GPM6B: variants seen among roughly 807,000 people sequenced by gnomAD.
The protein encoded by GPM6B is neuronal membrane glycoprotein M6-b.
A neutral mutation model predicts 27.2 loss-of-function variants in GPM6B; 4 were observed. The ratio of observed to expected loss-of-function variants is 0.15; its 90% CI spans 0.07 to 0.34. GPM6B has a LOEUF of 0.34. Among genes scored for constraint, GPM6B ranks in the 10% least tolerant of loss-of-function variants. The pLI is 1.00. For synonymous variants in GPM6B, 124 were observed against 103.1 expected, an observed-to-expected ratio of 1.20 and a Z score of -1.23; for missense variants, 183 against 261.9, an observed-to-expected ratio of 0.70 and a Z score of 2.08.
intron 1 of GPM6B, among the ~76,000 whole-genome samples, chrX:13,868,805 T>C (rs1442519440): frequency 8.9e-6 from 1 of 112,435 alleles, no homozygotes; most frequent in Non-Finnish European, 1.9e-5. Flanking sequence ...CCTGAAGTGG[T>C]GGTTATGGAT....
At chrX:13,873,390 C>G (rs1312916275) in intron 1 of GPM6B, among the ~76,000 whole-genome samples, 1 of 110,651 alleles carries the variant, frequency 9.0e-6, no homozygotes, top group African/African-American at 3.3e-5. Flanking sequence ...AGTTGGGTAA[C>G]TTAAGGAAAG....
intron 1 of GPM6B, among the ~76,000 whole-genome samples, chrX:13,918,694 T>C (rs757020466): frequency 7.2e-5 from 8 of 111,738 alleles, no homozygotes; most frequent in Admixed American, 6.7e-4. Flanking sequence ...GCTTGGCTTC[T>C]GGGGAGGCCT....
intron 1 of GPM6B, among the ~76,000 whole-genome samples, chrX:13,863,300 A>G (rs1165845076): frequency 1.8e-5 from 2 of 111,913 alleles, no homozygotes; most frequent in Admixed American, 1.9e-4. Flanking sequence ...CAAATGTCCT[A>G]TCCACATGCT....
chrX:13,920,839 C>T (rs186458044), intron 1 of GPM6B, among the ~76,000 whole-genome samples: 55 of 107,563 alleles, frequency 5.1e-4, no homozygotes, highest in Non-Finnish European at 2.7e-4. Context: ...TGCAGTGAGC[C>T]GAGATCGCGC....
At chrX:13,928,495 T>C (rs763269492) in intron 1 of GPM6B, among the ~76,000 whole-genome samples, 10 of 112,412 alleles carry the variant, frequency 8.9e-5, no homozygotes, top group Non-Finnish European at 1.9e-4. Context: ...TTCATCCCTT[T>C]AAGGTCCCAA....
At chrX:13,779,339 T>G (rs1215321576) in intron 5 of GPM6B, among the ~76,000 whole-genome samples, 1 of 112,450 alleles carries the variant, frequency 8.9e-6, no homozygotes. Context: ...CTGGATCTAA[T>G]GTTGTATTTT....
At position 13,784,690 on chromosome X, in the gene GPM6B, T is replaced by G. The variant is rs139155398; in HGVS notation, c.368+932A>C. On this transcript the variant is annotated intron_variant, in intron 3 of 7. Transcript: ENST00000316715. ...GAAATAAGTAGATTGCTGCTGAGCT[T>G]GCACAGCTACAAGAATCTATGTGTG... Among the ~76,000 whole-genome samples, 772 of 111,815 alleles carry G rather than the reference T, an allele frequency of 6.9e-3. 2 individuals carry two copies. The highest frequency in any genetic ancestry group is 0.026 in the South Asian group (69 of 2,652).
chrX:13,909,938 T>C (rs1472418788), intron 1 of GPM6B, among the ~76,000 whole-genome samples: 1 of 111,937 alleles, frequency 8.9e-6, no homozygotes, highest in Non-Finnish European at 1.9e-5. Flanking sequence ...TCCCCTTAGA[T>C]TCACTCATCT....
At chrX:13,893,242 T>C (rs2050203702) in intron 1 of GPM6B, among the ~76,000 whole-genome samples, 3 of 111,342 alleles carry the variant, frequency 2.7e-5, no homozygotes, top group Non-Finnish European at 5.6e-5. Flanking sequence ...AGTACAAATG[T>C]AGCATTTCTT....
chrX:13,837,713 G>A (rs1443289365), intron 1 of GPM6B, among the ~76,000 whole-genome samples: 1 of 63,787 alleles, frequency 1.6e-5, no homozygotes, highest in East Asian at 4.6e-4. Context: ...AAGTTGGTGG[G>A]GGGGGGGGGG....
chrX:13,810,796 C>T (rs905705805), intron 1 of GPM6B, among the ~76,000 whole-genome samples: 19 of 107,165 alleles, frequency 1.8e-4, no homozygotes, highest in Admixed American at 6.0e-4. Flanking sequence ...CCGATGGGAT[C>T]GGCAACTGGA....
intron 1 of GPM6B, among the ~76,000 whole-genome samples, chrX:13,874,385 C>T (rs755878229): frequency 9.0e-6 from 1 of 110,827 alleles, no homozygotes; most frequent in East Asian, 2.8e-4. Context: ...GATACAAGAA[C>T]TGGTGAGCAA....
At chrX:13,793,958 A>G (rs1027082334) in intron 2 of GPM6B, among the ~76,000 whole-genome samples, 1 of 111,884 alleles carries the variant, frequency 8.9e-6, no homozygotes, top group African/African-American at 3.3e-5. Context: ...GAATATATTA[A>G]AAAACCTATT....
At chrX:13,807,869 G>A (rs2049052161) in intron 1 of GPM6B, 100 bp from the exon 2 acceptor site, 1 of 814,914 alleles carries the variant, frequency 1.2e-6, no homozygotes. Flanking sequence ...GAAATGGGGA[G>A]TTTAAAAAAT....
Position 13,870,742 on chromosome X carries a change from A to C in GPM6B, c.-198+67585T>G, listed in dbSNP as rs1264222790. Among the ~76,000 whole-genome samples the C allele has an allele frequency of 2.7e-5, 3 of 112,111 alleles. No homozygotes were observed. The East Asian group carries it at 8.3e-4, about 31-fold the overall frequency. ...ATGTGTGTGAAGAAAAGTATAAAGT[A>C]ATTCAAAGAGTATGTATGCAATATG... On this transcript the variant is annotated intron_variant, in intron 1 of 6. Coordinates refer to the GPM6B transcript ENST00000398361.
chrX:13,774,954 T>G (rs1472566289), intron 7 of GPM6B, among the ~76,000 whole-genome samples: 1 of 111,999 alleles, frequency 8.9e-6, no homozygotes, highest in Admixed American at 9.5e-5. Flanking sequence ...AACCACCTGC[T>G]CAGCAGCAGG....
At chrX:13,794,493 C>T (rs1371846646) in intron 2 of GPM6B, among the ~76,000 whole-genome samples, 1 of 111,479 alleles carries the variant, frequency 9.0e-6, no homozygotes, top group Non-Finnish European at 1.9e-5. Flanking sequence ...TGTGCAGCCC[C>T]GGCAGACCTC....
At chrX:13,865,541 T>TAAAAAAAAAAAAAAAAAAA (rs1569271152) in intron 1 of GPM6B, among the ~76,000 whole-genome samples, 1 of 3,113 alleles carries the variant, frequency 3.2e-4, no homozygotes, top group African/African-American at 7.2e-4. Flanking sequence ...ATCCATCTCT[T>TAAAAAAAAAAAAAAAAAAA]CAAAAAAAAA....
At chrX:13,821,252 T>A (rs990093166), upstream of GPM6B, among the ~76,000 whole-genome samples, 1 of 112,500 alleles carries the variant, frequency 8.9e-6, no homozygotes, top group Non-Finnish European at 1.9e-5. Context: ...GTTGACATGT[T>A]AAACTCATAC....
Sources: gnomAD v4.1 joint callset for allele counts (sites outside exome capture counted in the v4.1 genomes callset) on GRCh38, gnomAD v4.1.1 for gene constraint, MANE v1.5 for transcripts, NCBI Gene and HGNC (gene_info 2026-07-23, HGNC 2026-07-21) for gene names.